The following PTGER3 variants were observed in gnomAD, a reference collection of about 807,000 sequenced individuals.
PTGER3 encodes the protein prostaglandin E2 receptor EP3 subtype.
In PTGER3, 22 loss-of-function variants were observed where a neutral mutation model predicts 34.7. That is an observed-to-expected ratio of 0.63 (90% CI 0.45 to 0.91). The LOEUF is 0.91. PTGER3 is among the 40% of genes least tolerant of loss of function. PTGER3 has a pLI of 0.00. For synonymous variants in PTGER3, 241 were observed against 230.1 expected, an observed-to-expected ratio of 1.05 and a Z score of -0.43; for missense variants, 468 against 519.4, an observed-to-expected ratio of 0.90 and a Z score of 0.96.
chr1:71,014,134 G>A (rs1657684443), intron 1 of PTGER3, among the ~76,000 whole-genome samples: 1 of 151,928 alleles, frequency 6.6e-6, no homozygotes, highest in Admixed American at 6.6e-5. Context: ...TGTGGCTTGT[G>A]GTTTTTTTTT....
At chr1:70,937,217 C>A (rs1649307051) in intron 4 of PTGER3, among the ~76,000 whole-genome samples, 2 of 152,154 alleles carry the variant, frequency 1.3e-5, no homozygotes, top group Non-Finnish European at 2.9e-5. Flanking sequence ...GTGGAAATTA[C>A]TTATGGCAGT....
At chr1:70,869,356 C>G in intron 4 of PTGER3, 1 of 457,908 alleles carries the variant, frequency 2.2e-6, no homozygotes. Flanking sequence ...GAGATTTGGG[C>G]ATGGACAAAT....
intron 1 of PTGER3, among the ~76,000 whole-genome samples, chr1:71,029,092 G>A (rs1381475564): frequency 6.6e-6 from 1 of 152,194 alleles, no homozygotes; most frequent in Non-Finnish European, 1.5e-5. Context: ...CAAGATTTAT[G>A]TGAAGATTAA....
chr1:70,938,103 G>C (rs7516479), intron 4 of PTGER3, among the ~76,000 whole-genome samples: 41,432 of 151,990 alleles, frequency 0.27, 6,245 homozygotes, highest in African/African-American at 0.4. Context: ...TGTGTGTTTT[G>C]GTGGGGGGTG....
chr1:70,877,105 T>C (rs772828957), intron 4 of PTGER3, among the ~76,000 whole-genome samples: 4 of 152,362 alleles, frequency 2.6e-5, no homozygotes, highest in Admixed American at 6.5e-5. Context: ...TGTTTTTACA[T>C]TTGTTTGTGT....
chr1:70,959,309 C>G (rs772087768), intron 2 of PTGER3, among the ~76,000 whole-genome samples: 1 of 151,872 alleles, frequency 6.6e-6, no homozygotes, highest in Non-Finnish European at 1.5e-5. Flanking sequence ...TTTCTCCAAT[C>G]CATGAACATA....
chr1:70,991,436 C>G (rs1046217122), intron 2 of PTGER3, among the ~76,000 whole-genome samples: 2 of 152,130 alleles, frequency 1.3e-5, no homozygotes, highest in Non-Finnish European at 2.9e-5. Context: ...TTTCATTACA[C>G]TCTCTGAGCC....
chr1:70,957,054 T>C (rs1430974168), intron 2 of PTGER3, among the ~76,000 whole-genome samples: 2 of 152,186 alleles, frequency 1.3e-5, no homozygotes, highest in African/African-American at 4.8e-5. Flanking sequence ...TTTGTCTGTG[T>C]ACAGGACAGA....
At chr1:70,857,303 A>G (rs12067724) in intron 4 of PTGER3, among the ~76,000 whole-genome samples, 4,639 of 152,248 alleles carry the variant, frequency 0.03, 235 homozygotes, top group African/African-American at 0.11. Context: ...GTTGCCACAT[A>G]CAAAATTTGG....
intron 4 of PTGER3, chr1:70,884,111 G>T (rs1281914141): frequency 4.4e-5 from 17 of 387,712 alleles, no homozygotes; most frequent in Non-Finnish European, 8.0e-5. Flanking sequence ...AACAAAAAAG[G>T]ATCAGAACAC....
intron 2 of PTGER3, among the ~76,000 whole-genome samples, chr1:70,997,564 C>G (rs1656103802): frequency 6.6e-6 from 1 of 152,182 alleles, no homozygotes; most frequent in African/African-American, 2.4e-5. Context: ...ACCAGATATT[C>G]TGATTTAATT....
downstream of PTGER3, chr1:70,970,701 G>A (rs2100672531): frequency 3.5e-6 from 1 of 288,180 alleles, no homozygotes; most frequent in Non-Finnish European, 5.2e-6. Flanking sequence ...AGAAAAAAAA[G>A]GACAAGAAGA....
At chr1:70,911,844 AT>A (rs1647068913) in intron 4 of PTGER3, among the ~76,000 whole-genome samples, 1 of 152,158 alleles carries the variant, frequency 6.6e-6, no homozygotes, top group Admixed American at 6.5e-5. Context: ...GTTTATAATC[AT>A]TTTTCACTTT....
intron 3 of PTGER3, among the ~76,000 whole-genome samples, chr1:70,973,526 A>G (rs980400464): frequency 1.6e-4 from 24 of 152,162 alleles, no homozygotes; most frequent in African/African-American, 5.8e-4. Context: ...GAATGTTCAT[A>G]TCAGTTATAA....
chr1:70,856,538 A>G (rs928146183), intron 4 of PTGER3, among the ~76,000 whole-genome samples: 2 of 152,198 alleles, frequency 1.3e-5, no homozygotes, highest in African/African-American at 4.8e-5. Flanking sequence ...GATGATCAAA[A>G]ACCTAACTAA....
chr1:70,919,435 A>G (rs1647318687), intron 4 of PTGER3, among the ~76,000 whole-genome samples: 2 of 152,258 alleles, frequency 1.3e-5, no homozygotes, highest in South Asian at 4.1e-4. Context: ...AAATCTGGGA[A>G]CACAGCTGGT....
intron 1 of PTGER3, among the ~76,000 whole-genome samples, chr1:71,036,803 T>C (rs1430428089): frequency 2.0e-5 from 3 of 150,718 alleles, no homozygotes; most frequent in Admixed American, 6.6e-5. Context: ...CGTGCTACTG[T>C]ACTCCAGCCT....
At chr1:70,961,853 C>T (rs564218839) in intron 2 of PTGER3, among the ~76,000 whole-genome samples, 1 of 152,270 alleles carries the variant, frequency 6.6e-6, no homozygotes, top group African/African-American at 2.4e-5. Flanking sequence ...AGTAAAATTG[C>T]TTAGGGCCCT....
intron 2 of PTGER3, among the ~76,000 whole-genome samples, chr1:70,975,979 G>C (rs796067703): frequency 1.4e-4 from 21 of 152,188 alleles, no homozygotes; most frequent in African/African-American, 5.1e-4. Context: ...TATGCTGCTT[G>C]GTTCTTATTT....
Sources: gnomAD v4.1 joint callset for allele counts (sites outside exome capture counted in the v4.1 genomes callset) on GRCh38, gnomAD v4.1.1 for gene constraint, MANE v1.5 for transcripts, NCBI Gene and HGNC (gene_info 2026-07-23, HGNC 2026-07-21) for gene names.